Variants in ZNF346 observed in about 807,000 individuals in gnomAD.
The protein encoded by ZNF346 is zinc finger protein 346.
In ZNF346, 23 loss-of-function variants were observed where a neutral mutation model predicts 33.7. The ratio of observed to expected loss-of-function variants is 0.68; its 90% CI spans 0.49 to 0.97. The LOEUF (loss-of-function observed/expected upper bound fraction) is 0.97, where lower values mean the gene tolerates loss of function less well. Among genes scored for constraint, ZNF346 ranks in the 50% least tolerant of loss-of-function variants. The probability of loss-of-function intolerance (pLI) is 0.00; values close to 1 mark genes in which losing one functional copy is unlikely to be tolerated. For missense variants in ZNF346, 340 were observed against 371.1 expected (o/e 0.92, Z 0.69); for synonymous variants, 134 against 142.4 (o/e 0.94, Z 0.42).
At chr5:177,045,249 T>C (rs1779873690) in intron 4 of ZNF346, among the ~76,000 whole-genome samples, 1 of 152,228 alleles carries the variant, frequency 6.6e-6, no homozygotes, top group Non-Finnish European at 1.5e-5. Flanking sequence ...TTTGCTTCTC[T>C]ATTTTGGACC....
At chr5:177,044,851 C>G (rs560283618) in intron 4 of ZNF346, among the ~76,000 whole-genome samples, 1 of 152,158 alleles carries the variant, frequency 6.6e-6, no homozygotes, top group Non-Finnish European at 1.5e-5. Context: ...CCTACCTCTC[C>G]CACTAGATTT....
At chr5:177,050,642 C>A in intron 4 of ZNF346, 109 bp from the exon 5 acceptor site, 2 of 1,238,588 alleles carry the variant, frequency 1.6e-6, no homozygotes, top group Non-Finnish European at 2.4e-6. Flanking sequence ...ATTCAGCATA[C>A]TCAAAAGCCT....
chr5:177,035,080 G>C (rs1043835980), intron 1 of ZNF346, among the ~76,000 whole-genome samples: 1 of 151,210 alleles, frequency 6.6e-6, no homozygotes, highest in African/African-American at 2.4e-5. Flanking sequence ...GTAGTGGCAC[G>C]ATCTTGGCTC....
intron 8 of ZNF346, among the ~76,000 whole-genome samples, chr5:177,076,476 C>G (rs893203063): frequency 1.3e-5 from 2 of 152,234 alleles, no homozygotes; most frequent in Non-Finnish European, 2.9e-5. Context: ...GGTTCCTCCT[C>G]CTCCACCATC....
intron 1 of ZNF346, chr5:177,023,244 G>T: frequency 6.5e-7 from 1 of 1,529,580 alleles, no homozygotes; most frequent in South Asian, 1.2e-5. Context: ...GGTAAGCCAA[G>T]CCGAGTGCCC....
At chr5:177,052,155 CAT>C (rs1781020170) in intron 5 of ZNF346, among the ~76,000 whole-genome samples, 1 of 150,816 alleles carries the variant, frequency 6.6e-6, no homozygotes, top group African/African-American at 2.5e-5. Context: ...AGAGCGAGAA[CAT>C]GTATCAAAAA....
intron 8 of ZNF346, among the ~76,000 whole-genome samples, chr5:177,078,724 CA>C (rs1783866500): frequency 6.6e-6 from 1 of 151,996 alleles, no homozygotes; most frequent in African/African-American, 2.4e-5. Flanking sequence ...CCAGCCTGGC[CA>C]ACATGGTGAT....
Position 177,041,122 on chromosome 5 carries a change from A to G in ZNF346, c.176-4A>G, listed in dbSNP as rs767636337. On this transcript the variant is annotated splice_region_variant and splice_polypyrimidine_tract_variant and intron_variant, in intron 1 of 6. Transcript: ENST00000358149. Reference sequence around the variant, plus strand: ...TCAATGATTTCTTGTTTTCCCCTCTATAGTGGAGCACATGATCCAGAAGAA... The same window carrying G: ...TCAATGATTTCTTGTTTTCCCCTCTGTAGTGGAGCACATGATCCAGAAGAA... 7 of 1,611,128 alleles carry G rather than the reference A, an allele frequency of 4.3e-6. No homozygotes were observed. In the South Asian group the frequency reaches 4.4e-5, roughly 10 times the overall value.
intron 1 of ZNF346, among the ~76,000 whole-genome samples, chr5:177,025,463 G>A (rs1776624586): frequency 6.6e-6 from 1 of 152,062 alleles, no homozygotes. Context: ...CTGACATTTT[G>A]GAGAACTGCC....
chr5:177,079,956 G>T (rs72813142), exon 9 of ZNF346: 3,155 of 152,476 alleles, frequency 0.021, 38 homozygotes, highest in South Asian at 0.05. Context: ...GGGACGGGGG[G>T]TGCTACTGAG....
chr5:177,058,332 G>A (rs1010548839), intron 5 of ZNF346, among the ~76,000 whole-genome samples: 18 of 151,664 alleles, frequency 1.2e-4, no homozygotes, highest in Non-Finnish European at 1.9e-4. Flanking sequence ...TTAGCCGGGC[G>A]TAGTGGTGCA....
At chr5:177,080,811 A>G (rs1783948965) in exon 9 of ZNF346, 1 of 152,144 alleles carries the variant, frequency 6.6e-6, no homozygotes, top group African/African-American at 2.4e-5. Flanking sequence ...CTGTCTCCAA[A>G]AAAAACCCAG....
rs528743936 is a variant in ZNF346, at chr5:177,040,526, G to A, written c.176-600G>A. On this transcript the variant is annotated intron_variant, in intron 1 of 6. Coordinates refer to ENST00000358149, the MANE Select transcript of ZNF346 (RefSeq NM_012279.4). ...CACCTGGCTAATTTTTGTATTTTTA[G>A]TAGAGACAGGGTTTCACCATGTTGG... Among the ~76,000 whole-genome samples the A allele has an allele frequency of 3.9e-5, 6 of 152,166 alleles. No homozygotes were observed. The East Asian group carries it at 9.7e-4, about 25-fold the overall frequency.
chr5:177,074,001 C>T (rs893035222), intron 8 of ZNF346, among the ~76,000 whole-genome samples: 3 of 152,252 alleles, frequency 2.0e-5, no homozygotes, highest in East Asian at 1.9e-4. Context: ...GTGGCGACCA[C>T]AGACCAGGTA....
At chr5:177,024,200 C>CTG in intron 1 of ZNF346, among the ~76,000 whole-genome samples, 1 of 86,898 alleles carries the variant, frequency 1.2e-5, no homozygotes, top group South Asian at 4.5e-4. Context: ...GCCCTCTCTC[C>CTG]TTTTTTTTTT....
chr5:177,056,082 A>AAAG (rs1781639560), intron 5 of ZNF346, among the ~76,000 whole-genome samples: 1 of 151,276 alleles, frequency 6.6e-6, no homozygotes, highest in Admixed American at 6.6e-5. Flanking sequence ...TCTCAAAAAA[A>AAAG]AAAAAAAAAA....
chr5:177,067,695 A>G lies in ZNF346; in HGVS notation c.*3096A>G, dbSNP rs982247557. On this transcript the variant is annotated 3_prime_UTR_variant, in exon 7 of 7. Coordinates refer to ENST00000358149, the MANE Select transcript of ZNF346 (RefSeq NM_012279.4). ...ACAGTCAAAGATCATGATGACAATG[A>G]TAAGAATGCCCAGGATGCAGGAGCT... Among the ~76,000 whole-genome samples the G allele has an allele frequency of 9.9e-5, 15 of 152,236 alleles. No homozygotes were observed. Among genetic ancestry groups the G allele is most frequent in the African/African-American group, 3.6e-4 (15 of 41,468 alleles).
chr5:177,076,007 G>T (rs140294941), intron 8 of ZNF346, among the ~76,000 whole-genome samples: 291 of 151,942 alleles, frequency 1.9e-3, no homozygotes, highest in African/African-American at 6.9e-3. Flanking sequence ...TTTTATTAGG[G>T]TCTCACTCCG....
In ZNF346 at chr5:177,039,657, A is replaced by G. The variant is rs189147302; in HGVS notation, c.176-1469A>G. ...TTGGTTTGTTGGTGTGTTTGTTTCT[A>G]TGTAGAGACAGAGTCTCACCATCTT... On this transcript the variant is annotated intron_variant, in intron 1 of 6. Transcript: ENST00000358149. Among the ~76,000 whole-genome samples, 674 of 152,012 alleles carry G rather than the reference A, an allele frequency of 4.4e-3. 2 individuals carry two copies. The highest frequency in any genetic ancestry group is 0.01 in the Middle Eastern group (3 of 294).
Sources: allele counts gnomAD v4.1 joint callset (sites outside exome capture counted in the v4.1 genomes callset), GRCh38; gene constraint gnomAD v4.1.1; transcripts MANE v1.5; gene names NCBI Gene and HGNC (gene_info 2026-07-23, HGNC 2026-07-21).